Variants in DAP observed in about 807,000 individuals in gnomAD.
DAP encodes death-associated protein 1.
DAP carries 8 observed loss-of-function variants against 13.8 expected under a neutral mutation model. The observed-to-expected ratio is 0.58, with a 90% CI of 0.34 to 1.05. The LOEUF is 1.05. Among genes scored for constraint, DAP ranks in the 50% least tolerant of loss-of-function variants. The probability of loss-of-function intolerance (pLI) is 0.03; values close to 1 mark genes in which losing one functional copy is unlikely to be tolerated. For missense variants in DAP, 106 were observed against 133.2 expected (o/e 0.80, Z 1.01); for synonymous variants, 47 against 47.5 (o/e 0.99, Z 0.04).
chr5:10,704,305 A>C (rs1008980003), intron 2 of DAP, among the ~76,000 whole-genome samples: 2 of 152,210 alleles, frequency 1.3e-5, no homozygotes, highest in South Asian at 2.1e-4. Context: ...GGATTTAGGG[A>C]CCATAAATAT....
intron 1 of DAP, among the ~76,000 whole-genome samples, chr5:10,749,076 C>T (rs1579821431): frequency 6.6e-6 from 1 of 152,302 alleles, no homozygotes; most frequent in African/African-American, 2.4e-5. Flanking sequence ...ACTATGTGGC[C>T]TTTGGTGACT....
chr5:10,739,221 A>AAAAAAAAAG (rs1739693700), intron 2 of DAP, among the ~76,000 whole-genome samples: 1 of 149,094 alleles, frequency 6.7e-6, no homozygotes, highest in Non-Finnish European at 1.5e-5. Context: ...AAAAAAAAAA[A>AAAAAAAAAG]AAAAAGAAAG....
At chr5:10,681,283 G>T in intron 3 of DAP, 114 bp from the exon 4 acceptor site, 1 of 818,978 alleles carries the variant, frequency 1.2e-6, no homozygotes, top group Non-Finnish European at 1.8e-6. Flanking sequence ...GCAATTGTGT[G>T]TGAGGAAGCC....
At chr5:10,688,803 C>T (rs574788311) in intron 2 of DAP, among the ~76,000 whole-genome samples, 13 of 151,768 alleles carry the variant, frequency 8.6e-5, no homozygotes, top group South Asian at 6.2e-4. Context: ...AACTCCAGGA[C>T]GCAGAGGCGC....
At chr5:10,710,614 C>T (rs5745240) in intron 2 of DAP, among the ~76,000 whole-genome samples, 1,554 of 152,280 alleles carry the variant, frequency 0.01, 10 homozygotes, top group Non-Finnish European at 0.017. Flanking sequence ...AGGGTCCACA[C>T]CAATGGACGG....
chr5:10,706,696 T>C (rs1738704843), intron 2 of DAP, among the ~76,000 whole-genome samples: 1 of 152,212 alleles, frequency 6.6e-6, no homozygotes, highest in South Asian at 2.1e-4. Context: ...ACAAAAATGA[T>C]GATCGGATTT....
At chr5:10,698,624 A>G (rs977786633) in intron 2 of DAP, among the ~76,000 whole-genome samples, 1 of 152,238 alleles carries the variant, frequency 6.6e-6, no homozygotes, top group Non-Finnish European at 1.5e-5. Flanking sequence ...CTCCTGGGTA[A>G]ATTAATATTC....
At chr5:10,705,290 T>C (rs1310239126) in intron 2 of DAP, among the ~76,000 whole-genome samples, 1 of 152,206 alleles carries the variant, frequency 6.6e-6, no homozygotes, top group Non-Finnish European at 1.5e-5. Flanking sequence ...CCATATTTTA[T>C]GTAGAGGTGA....
chr5:10,690,658 C>T (rs1738285403), intron 2 of DAP, among the ~76,000 whole-genome samples: 1 of 152,302 alleles, frequency 6.6e-6, no homozygotes, highest in African/African-American at 2.4e-5. Context: ...GAATAACATT[C>T]CACTGTACAG....
intron 1 of DAP, among the ~76,000 whole-genome samples, 192 bp downstream of exon 1, chr5:10,760,822 A>G (rs1217498581): frequency 2.0e-5 from 3 of 151,958 alleles, no homozygotes; most frequent in Admixed American, 1.3e-4. Context: ...AGCGGGGCCG[A>G]AGCTCCGGCG....
chr5:10,720,441 A>G (rs1259131594), intron 2 of DAP, among the ~76,000 whole-genome samples: 2 of 152,220 alleles, frequency 1.3e-5, no homozygotes, highest in Non-Finnish European at 2.9e-5. Flanking sequence ...AACTGTGAAG[A>G]TATTTGTATC....
chr5:10,686,715 A>C (rs1738164733), intron 2 of DAP, among the ~76,000 whole-genome samples: 1 of 152,230 alleles, frequency 6.6e-6, no homozygotes, highest in Non-Finnish European at 1.5e-5. Flanking sequence ...TAAGGAAAGA[A>C]GCCATCTCCA....
chr5:10,748,364 G>A, intron 1 of DAP, 93 bp from the exon 2 acceptor site: 2 of 930,124 alleles, frequency 2.2e-6, no homozygotes, highest in South Asian at 2.7e-5. Flanking sequence ...TTGCTCAGTG[G>A]CCACAAGTCA....
chr5:10,714,874 C>A (rs1274269245), intron 2 of DAP, among the ~76,000 whole-genome samples: 2 of 152,132 alleles, frequency 1.3e-5, no homozygotes, highest in Non-Finnish European at 2.9e-5. Flanking sequence ...TCCCCCTTTG[C>A]CTTCTGCCTG....
intron 2 of DAP, among the ~76,000 whole-genome samples, chr5:10,715,999 C>T (rs1738977302): frequency 6.6e-6 from 1 of 152,202 alleles, no homozygotes; most frequent in African/African-American, 2.4e-5. Flanking sequence ...AGTATCAACC[C>T]AGGGCTGCTT....
intron 2 of DAP, among the ~76,000 whole-genome samples, chr5:10,733,571 C>T (rs1019673887): frequency 6.6e-6 from 1 of 152,130 alleles, no homozygotes; most frequent in Non-Finnish European, 1.5e-5. Flanking sequence ...TTGGGTAGAA[C>T]ACCACCCTTG....
chr5:10,683,567 G>A lies in DAP; in HGVS notation c.157C>T (p.Pro53Ser), dbSNP rs61737757. 125 of 1,614,020 alleles carry A rather than the reference G, an allele frequency of 7.7e-5. No homozygotes were observed. The African/African-American group carries it at 1.3e-3, about 17-fold the overall frequency. ...CCAGAGATGAACACAGTGGGTTTAG[G>A]TGGACTGGAAAAAAAGAAGGGAAAA... ...DDQEWESPSPPKPTVFISGVI... is the reference protein window; with the variant it reads ...DDQEWESPSPSKPTVFISGVI... The change falls in exon 3 of 4, where the codon CCT (proline) becomes TCT (serine). Residue 53 changes from proline (P) to serine (S), a missense_variant. Transcript: ENST00000230895.
chr5:10,742,079 G>A (rs1739770158), intron 2 of DAP, among the ~76,000 whole-genome samples: 1 of 152,132 alleles, frequency 6.6e-6, no homozygotes, highest in African/African-American at 2.4e-5. Flanking sequence ...AACAATTACT[G>A]TGCTGTTTGC....
chr5:10,704,780 C>T (rs1561013923), intron 2 of DAP, among the ~76,000 whole-genome samples: 1 of 152,122 alleles, frequency 6.6e-6, no homozygotes, highest in African/African-American at 2.4e-5. Flanking sequence ...ATCCCTCAGT[C>T]TTTCCTGCGC....
Sources: gnomAD v4.1 joint callset for allele counts (sites outside exome capture counted in the v4.1 genomes callset) on GRCh38, gnomAD v4.1.1 for gene constraint, MANE v1.5 for transcripts, NCBI Gene and HGNC (gene_info 2026-07-23, HGNC 2026-07-21) for gene names.